BPNT1: variants seen among roughly 807,000 people sequenced by gnomAD.
BPNT1 encodes the protein 3'(2'), 5'-bisphosphate nucleotidase 1, also known as 3'(2'),5'-bisphosphate nucleotidase 1.
BPNT1 carries 28 observed loss-of-function variants against 36.9 expected under a neutral mutation model. The ratio of observed to expected loss-of-function variants is 0.76; its 90% confidence interval spans 0.56 to 1.04. BPNT1 has a LOEUF of 1.04. Ranked by LOEUF, BPNT1 falls within the 50% of genes least tolerant of loss-of-function variation. BPNT1 has a pLI of 0.00. For synonymous variants in BPNT1, 119 were observed against 130.9 expected, an observed-to-expected ratio of 0.91 and a Z score of 0.62; for missense variants, 313 against 372.9, an observed-to-expected ratio of 0.84 and a Z score of 1.32.
chr1:220,057,927 C>A lies in BPNT1; in HGVS notation c.*917G>T, dbSNP rs925671379. The A allele has an allele frequency of 2.4e-5, 29 of 1,214,816 alleles. No individual in the cohort carries two copies. The highest frequency in any genetic ancestry group is 3.1e-5 in the African/African-American group (2 of 63,544). 75.3% of individuals were successfully genotyped at this position (1,214,816 alleles called of 1,614,324 possible). On this transcript the variant is annotated 3_prime_UTR_variant, in exon 9 of 9. Coordinates refer to ENST00000322067, the MANE Select transcript of BPNT1 (RefSeq NM_006085.6). ...GTGCGGTGGCTCACACCTGTAATCC[C>A]AGCACTTTGGGAGTCCGAGGCAGAC...
chr1:220,087,380 C>T (rs188194842), intron 1 of BPNT1, among the ~76,000 whole-genome samples: 393 of 152,114 alleles, frequency 2.6e-3, no homozygotes, highest in African/African-American at 9.0e-3. Context: ...CTTGGTGAAA[C>T]CCTGTCTCTA....
At chr1:220,078,843 G>A (rs753440036) in intron 2 of BPNT1, among the ~76,000 whole-genome samples, 5 of 151,904 alleles carry the variant, frequency 3.3e-5, no homozygotes, top group East Asian at 1.9e-4. Flanking sequence ...TGATCTGCCC[G>A]CCTTGGCCTC....
At chr1:220,063,440 T>C (rs1663248706) in intron 6 of BPNT1, among the ~76,000 whole-genome samples, 1 of 152,250 alleles carries the variant, frequency 6.6e-6, no homozygotes, top group Non-Finnish European at 1.5e-5. Flanking sequence ...ATTACTGTTC[T>C]GGTTAACAGT....
At chr1:220,086,882 T>TA (rs763947187) in intron 1 of BPNT1, among the ~76,000 whole-genome samples, 136 of 138,816 alleles carry the variant, frequency 9.8e-4, no homozygotes, top group East Asian at 2.9e-3. Context: ...TTGCTAAACT[T>TA]AAAAAAAAAA....
intron 6 of BPNT1, chr1:220,066,104 T>C (rs1663510311): frequency 1.3e-6 from 2 of 1,521,726 alleles, no homozygotes; most frequent in South Asian, 1.2e-5. Context: ...CCTTAACTGC[T>C]GTTTTTCATT....
At chr1:220,075,082 C>T (rs573263440) in intron 2 of BPNT1, among the ~76,000 whole-genome samples, 20 of 152,180 alleles carry the variant, frequency 1.3e-4, no homozygotes, top group Non-Finnish European at 2.5e-4. Flanking sequence ...CTCACTCTGT[C>T]GCCTAGGCTG....
chr1:220,088,381 G>A (rs1157728624), intron 1 of BPNT1, among the ~76,000 whole-genome samples: 1 of 151,088 alleles, frequency 6.6e-6, no homozygotes, highest in African/African-American at 2.4e-5. Flanking sequence ...TACTCAGGAG[G>A]CTGAGGCAGG....
intron 6 of BPNT1, among the ~76,000 whole-genome samples, chr1:220,063,648 T>C (rs1337211240): frequency 6.6e-6 from 1 of 152,188 alleles, no homozygotes; most frequent in African/African-American, 2.4e-5. Context: ...CTTTTCATTA[T>C]CCAAGAAATA....
At chr1:220,059,540 G>A (rs897686239) in intron 8 of BPNT1, 146 bp downstream of exon 8, 11 of 524,450 alleles carry the variant, frequency 2.1e-5, no homozygotes, top group Non-Finnish European at 3.0e-5. Context: ...TCTATCATAT[G>A]AGGGGTTTGG....
intron 1 of BPNT1, among the ~76,000 whole-genome samples, chr1:220,087,020 C>A (rs1158419537): frequency 1.4e-5 from 2 of 142,592 alleles, no homozygotes; most frequent in African/African-American, 5.2e-5. Context: ...GCACTCCAGC[C>A]TGGGCGACAG....
chr1:220,062,279 G>A, intron 7 of BPNT1, among the ~76,000 whole-genome samples: 1 of 144,090 alleles, frequency 6.9e-6, no homozygotes, highest in Admixed American at 6.9e-5. Flanking sequence ...ATCTCCCAAT[G>A]CTATCCCTCC....
At chr1:220,064,074 C>G (rs1663309361) in intron 6 of BPNT1, among the ~76,000 whole-genome samples, 1 of 152,146 alleles carries the variant, frequency 6.6e-6, no homozygotes, top group African/African-American at 2.4e-5. Context: ...TATTATCTCT[C>G]TTTCAATCCT....
chr1:220,087,046 C>CAA (rs1195166426), intron 1 of BPNT1, among the ~76,000 whole-genome samples: 5 of 51,236 alleles, frequency 9.8e-5, no homozygotes, highest in East Asian at 6.4e-4. Context: ...GACTCCGTCT[C>CAA]AAAAAAAAAA....
intron 2 of BPNT1, among the ~76,000 whole-genome samples, chr1:220,077,900 C>G (rs952174704): frequency 6.6e-6 from 1 of 152,020 alleles, no homozygotes; most frequent in African/African-American, 2.4e-5. Flanking sequence ...TGTAATGGCT[C>G]ATACCTGTAC....
At position 220,072,621 on chromosome 1, in the gene BPNT1, G is replaced by T. The variant is rs150751936; in HGVS notation, c.333+229C>A. Among the ~76,000 whole-genome samples, 498 of 152,218 alleles carry T rather than the reference G, an allele frequency of 3.3e-3. 1 individual carries two copies. Among genetic ancestry groups the T allele is most frequent in the Non-Finnish European group, 5.4e-3 (365 of 68,018 alleles). On this transcript the variant is annotated intron_variant, in intron 4 of 8. Transcript: ENST00000322067. ...TGAGCCACCATGCCTGTCCCTAAAAGTATTTTAAATAACGGTTTTAGAGTG... is the reference window on the plus strand; with the variant it reads ...TGAGCCACCATGCCTGTCCCTAAAATTATTTTAAATAACGGTTTTAGAGTG...
chr1:220,061,626 T>C, intron 7 of BPNT1, among the ~76,000 whole-genome samples: 1 of 151,968 alleles, frequency 6.6e-6, no homozygotes, highest in African/African-American at 2.4e-5. Context: ...AGGATGACTT[T>C]CAGGTGTTTG....
At chr1:220,086,627 G>A (rs1190942327) in intron 1 of BPNT1, among the ~76,000 whole-genome samples, 1 of 151,580 alleles carries the variant, frequency 6.6e-6, no homozygotes, top group Admixed American at 6.6e-5. Flanking sequence ...CCAGGCTGGA[G>A]TGCAGTGGCG....
intron 4 of BPNT1, among the ~76,000 whole-genome samples, chr1:220,072,279 C>A (rs1230077204): frequency 6.6e-6 from 1 of 151,820 alleles, no homozygotes; most frequent in Non-Finnish European, 1.5e-5. Flanking sequence ...AGGAGAATCG[C>A]CTGAACCCAG....
At chr1:220,078,432 T>C (rs1664777235) in intron 2 of BPNT1, among the ~76,000 whole-genome samples, 1 of 141,230 alleles carries the variant, frequency 7.1e-6, no homozygotes, top group Admixed American at 7.6e-5. Context: ...AAATAATAAT[T>C]ATATATAATA....
Sources: gnomAD v4.1 joint callset for allele counts (sites outside exome capture counted in the v4.1 genomes callset) on GRCh38, gnomAD v4.1.1 for gene constraint, MANE v1.5 for transcripts, NCBI Gene and HGNC (gene_info 2026-07-23, HGNC 2026-07-21) for gene names.